The following ADGRL3 variants were observed in gnomAD, a reference collection of about 807,000 sequenced individuals.
ADGRL3 encodes the protein calcium-independent alpha-latrotoxin receptor 3.
ADGRL3 carries 62 observed loss-of-function variants against 153.5 expected under a neutral mutation model. The ratio of observed to expected loss-of-function variants is 0.40; its 90% CI spans 0.33 to 0.50. The LOEUF (loss-of-function observed/expected upper bound fraction) is 0.50, where lower values mean the gene tolerates loss of function less well. ADGRL3 is among the 20% of genes least tolerant of loss of function. The probability of loss-of-function intolerance (pLI) is 0.47; values close to 1 mark genes in which losing one functional copy is unlikely to be tolerated. For missense variants in ADGRL3, 1,641 were observed against 1,859.4 expected (o/e 0.88, Z 2.16); for synonymous variants, 710 against 672.5 (o/e 1.06, Z -0.86).
intron 1 of ADGRL3, among the ~76,000 whole-genome samples, chr4:61,221,196 ATAAT>A (rs1745321151): frequency 6.6e-6 from 1 of 152,326 alleles, no homozygotes; most frequent in African/African-American, 2.4e-5. Flanking sequence ...ATTAGGGACT[ATAAT>A]TAAATAACAT....
intron 5 of ADGRL3, among the ~76,000 whole-genome samples, chr4:61,646,820 C>T (rs988621945): frequency 2.0e-5 from 3 of 152,218 alleles, no homozygotes; most frequent in Admixed American, 6.5e-5. Flanking sequence ...TTGAGCTTCC[C>T]AGCTGCTTTG....
intron 5 of ADGRL3, among the ~76,000 whole-genome samples, chr4:61,591,306 AC>A (rs2098968198): frequency 6.6e-6 from 1 of 152,190 alleles, no homozygotes; most frequent in South Asian, 2.1e-4. Flanking sequence ...TTTTTAGTGA[AC>A]TTAGCAACTG....
At chr4:61,326,346 T>C (rs2095463878) in intron 1 of ADGRL3, among the ~76,000 whole-genome samples, 1 of 152,100 alleles carries the variant, frequency 6.6e-6, no homozygotes, top group Admixed American at 6.6e-5. Flanking sequence ...GACCATTTTC[T>C]ACGTTTTATT....
intron 2 of ADGRL3, among the ~76,000 whole-genome samples, chr4:61,402,159 A>G (rs2096936817): frequency 6.6e-6 from 1 of 152,052 alleles, no homozygotes; most frequent in South Asian, 2.1e-4. Context: ...ACTTAGCTTG[A>G]AAGATTTACA....
chr4:61,456,416 GATATATCTATATCT>G (rs2097748760), intron 2 of ADGRL3, among the ~76,000 whole-genome samples: 1 of 47,768 alleles, frequency 2.1e-5, no homozygotes, highest in Non-Finnish European at 4.8e-5. Flanking sequence ...TATATATATA[GATATATCTATATCT>G]ATATATATAG....
intron 1 of ADGRL3, among the ~76,000 whole-genome samples, chr4:61,321,421 A>C (rs2095353235): frequency 6.6e-6 from 1 of 152,084 alleles, no homozygotes; most frequent in Admixed American, 6.6e-5. Context: ...GGATTCAATA[A>C]GTTGAATTAC....
In ADGRL3 at chr4:62,063,404, T is replaced by G. The variant is rs142177780; in HGVS notation, c.3815-4762T>G. 3,086 of 552,394 alleles carry G rather than the reference T, an allele frequency of 5.6e-3. 23 individuals carry two copies. The highest frequency in any genetic ancestry group is 9.2e-3 in the South Asian group (343 of 37,352). The allele number at this position is 552,394 out of a possible 1,614,324, so 34.2% of individuals were successfully genotyped here. A position where few individuals can be genotyped will look rare whatever the true frequency, so the allele number is the denominator to read the frequency against. On this transcript the variant is annotated intron_variant, in intron 25 of 26. Coordinates refer to ENST00000683033, the MANE Select transcript of ADGRL3 (RefSeq NM_001387552.1). ...CTGCCTGCCTGTAATCAGGACTGTA[T>G]CAATTGTTGTCATTCTAAATGTTTC...
rs555012258 is a variant in ADGRL3, at chr4:61,200,442, G to A, written c.-1563G>A. On this transcript the variant is annotated 5_prime_UTR_variant, in exon 1 of 27. Coordinates refer to ENST00000683033, the MANE Select transcript of ADGRL3 (RefSeq NM_001387552.1). ...GTCGCCCCCCTCGCCTGCTGGCCCG[G>A]CACCGCTCGCTCCAGTTCCCAGGAG... Among the ~76,000 whole-genome samples the A allele has an allele frequency of 3.1e-4, 47 of 151,846 alleles. No homozygotes were observed. Among genetic ancestry groups the A allele is most frequent in the African/African-American group, 1.1e-3 (46 of 41,476 alleles).
At chr4:61,694,093 C>A (rs918904953) in intron 6 of ADGRL3, among the ~76,000 whole-genome samples, 5 of 148,676 alleles carry the variant, frequency 3.4e-5, no homozygotes, top group African/African-American at 1.2e-4. Flanking sequence ...AACAGTGTAT[C>A]TTCTATATTT....
intron 1 of ADGRL3, among the ~76,000 whole-genome samples, chr4:61,335,141 G>A (rs1011572848): frequency 3.9e-4 from 60 of 152,048 alleles, no homozygotes; most frequent in African/African-American, 1.2e-3. Context: ...AAAATGTTGC[G>A]TTAATAGCTA....
At chr4:61,701,074 G>A (rs2095749665) in intron 6 of ADGRL3, among the ~76,000 whole-genome samples, 1 of 152,100 alleles carries the variant, frequency 6.6e-6, no homozygotes, top group South Asian at 2.1e-4. Flanking sequence ...AGGTACAATT[G>A]AAATTTTGAG....
In ADGRL3 at chr4:61,899,752, G is replaced by A. The variant is rs570188508; in HGVS notation, c.1887+3918G>A. ...CTGGAGGCTGGAAAGTCCAAGATCAGGGTGCTGGCAAATCCTTTCTCTGAT... is the reference window on the plus strand; with the variant it reads ...CTGGAGGCTGGAAAGTCCAAGATCAAGGTGCTGGCAAATCCTTTCTCTGAT... On this transcript the variant is annotated intron_variant, in intron 11 of 26. Coordinates refer to ENST00000683033, the MANE Select transcript of ADGRL3 (RefSeq NM_001387552.1). Among the ~76,000 whole-genome samples, 5 of 152,284 alleles carry A rather than the reference G, an allele frequency of 3.3e-5. No individual in the cohort carries two copies. The East Asian group carries it at 9.6e-4, about 29-fold the overall frequency.
chr4:61,215,181 G>A (rs1742077564), intron 1 of ADGRL3, among the ~76,000 whole-genome samples: 1 of 152,082 alleles, frequency 6.6e-6, no homozygotes. Flanking sequence ...CAGTCAGAGT[G>A]GAAACATATT....
chr4:61,803,741 A>G (rs559508520), intron 8 of ADGRL3, among the ~76,000 whole-genome samples: 16 of 152,268 alleles, frequency 1.1e-4, no homozygotes, highest in Admixed American at 1.0e-3. Context: ...CTATGAAATG[A>G]TATTTCTACT....
intron 5 of ADGRL3, among the ~76,000 whole-genome samples, chr4:61,624,113 A>G (rs1473311764): frequency 1.3e-5 from 2 of 152,218 alleles, no homozygotes; most frequent in Non-Finnish European, 2.9e-5. Context: ...TAGATAGTAA[A>G]GATTTGCTGA....
chr4:61,604,511 T>C (rs1229349037), intron 5 of ADGRL3, among the ~76,000 whole-genome samples: 2 of 152,214 alleles, frequency 1.3e-5, no homozygotes, highest in Admixed American at 6.5e-5. Flanking sequence ...TTGTATAATA[T>C]GACTTAGCAA....
intron 9 of ADGRL3, among the ~76,000 whole-genome samples, chr4:61,847,424 G>A (rs1231841611): frequency 6.7e-6 from 1 of 149,504 alleles, no homozygotes; most frequent in Non-Finnish European, 1.5e-5. Flanking sequence ...CAAATCTATA[G>A]TGCCATTTTA....
At chr4:61,355,455 A>G (rs939638717) in intron 1 of ADGRL3, among the ~76,000 whole-genome samples, 1 of 152,040 alleles carries the variant, frequency 6.6e-6, no homozygotes, top group East Asian at 1.9e-4. Flanking sequence ...GACTCCTACT[A>G]TCTGTAAGTG....
At chr4:61,549,148 T>C (rs1369196040) in intron 4 of ADGRL3, among the ~76,000 whole-genome samples, 1 of 152,102 alleles carries the variant, frequency 6.6e-6, no homozygotes, top group Non-Finnish European at 1.5e-5. Context: ...TGAATGTTGG[T>C]ATATAGGTAT....
Sources: allele counts gnomAD v4.1 joint callset (sites outside exome capture counted in the v4.1 genomes callset), GRCh38; gene constraint gnomAD v4.1.1; transcripts MANE v1.5; gene names NCBI Gene and HGNC (gene_info 2026-07-23, HGNC 2026-07-21).